The following BCL9 variants were observed in gnomAD, a reference collection of about 807,000 sequenced individuals.
The protein encoded by BCL9 is B-cell CLL/lymphoma 9 protein.
In BCL9, 25 loss-of-function variants were observed where a neutral mutation model predicts 88.5. The observed-to-expected ratio is 0.28, with a 90% CI of 0.21 to 0.39. BCL9 has a LOEUF of 0.39. Among genes scored for constraint, BCL9 ranks in the 10% least tolerant of loss-of-function variants. The pLI is 1.00. For synonymous variants in BCL9, 711 were observed against 673.3 expected (o/e 1.06, Z -0.87); for missense variants, 1,817 against 1,877.8 (o/e 0.97, Z 0.60).
intron 1 of BCL9, among the ~76,000 whole-genome samples, chr1:147,581,074 G>C (rs1656342482): frequency 1.3e-5 from 2 of 151,990 alleles, no homozygotes. Context: ...CTTGGAAGTG[G>C]GTTTGAAACC....
intron 1 of BCL9, among the ~76,000 whole-genome samples, chr1:147,560,532 G>A (rs587632115): frequency 2.0e-5 from 3 of 150,940 alleles, no homozygotes; most frequent in South Asian, 4.2e-4. Context: ...GCTTGAACCC[G>A]AGAGGCGGAG....
intron 1 of BCL9, among the ~76,000 whole-genome samples, chr1:147,579,116 T>G (rs1175919005): frequency 6.6e-6 from 1 of 152,190 alleles, no homozygotes; most frequent in African/African-American, 2.4e-5. Context: ...TCCACCTGCC[T>G]TGGCCTCCCA....
chr1:147,614,615 A>G lies in BCL9; in HGVS notation c.559A>G (p.Lys187Glu). 1 of 1,609,522 alleles carries G rather than the reference A, an allele frequency of 6.2e-7. No individual in the cohort carries two copies. The highest frequency in any genetic ancestry group is 8.5e-7 in the Non-Finnish European group (1 of 1,177,590). Residue 187 changes from lysine to glutamate, a missense_variant and splice_region_variant, in exon 6 of 10, where the codon AAA becomes GAA. By Grantham distance (56) the Lys-to-Glu change is moderately conservative (BLOSUM62 1). Around this residue, in one of 2 missense-constraint regions of BCL9, gnomAD observed 1,228 missense variants for 1,191.6 expected, o/e 1.03. Coordinates refer to ENST00000234739, the MANE Select transcript of BCL9 (RefSeq NM_004326.4). ...CGTGTTTTCTACTGAGATGGCCAATAAGTAAGTTGATGGCTGTGTCTTGCT... is the reference window on the plus strand; with the variant it reads ...CGTGTTTTCTACTGAGATGGCCAATGAGTAAGTTGATGGCTGTGTCTTGCT... ...VYVFSTEMAN[K>E]AAEAVLKGQV... is the part of the protein sequence containing the mutation.
intron 9 of BCL9, among the ~76,000 whole-genome samples, chr1:147,623,500 G>C (rs960688021): frequency 2.0e-5 from 3 of 152,170 alleles, no homozygotes; most frequent in Admixed American, 2.0e-4. Context: ...GACCGTACTT[G>C]AGTCATTCAG....
chr1:147,611,402 G>GTCCACAA (rs1657993850), intron 3 of BCL9, among the ~76,000 whole-genome samples, 176 bp from the exon 4 acceptor site: 1 of 152,170 alleles, frequency 6.6e-6, no homozygotes, highest in Admixed American at 6.5e-5. Flanking sequence ...TCCAGCTGGT[G>GTCCACAA]TGGCCCCTGA....
At chr1:147,583,544 C>G (rs952516230) in intron 1 of BCL9, among the ~76,000 whole-genome samples, 1 of 151,962 alleles carries the variant, frequency 6.6e-6, no homozygotes, top group Non-Finnish European at 1.5e-5. Flanking sequence ...TCCCAAAGTG[C>G]TGGAATTACA....
intron 1 of BCL9, among the ~76,000 whole-genome samples, chr1:147,588,045 G>A (rs1656696066): frequency 1.3e-5 from 2 of 152,074 alleles, no homozygotes; most frequent in Non-Finnish European, 2.9e-5. Flanking sequence ...AAAGTCTACT[G>A]GCAGGTCTTA....
In BCL9 at chr1:147,619,003, A is replaced by G; in HGVS notation, c.848A>G (p.Asn283Ser). 2 of 1,611,160 alleles carry G rather than the reference A, an allele frequency of 1.2e-6. No homozygotes were observed. Among genetic ancestry groups the G allele is most frequent in the South Asian group, 1.1e-5 (1 of 90,726 alleles). Residue 283 changes from asparagine (N) to serine (S), a missense_variant, in exon 8 of 10, where the codon AAC becomes AGC. Physicochemically the swap from Asn to Ser is conservative, Grantham distance 46. Around this residue, in one of 2 missense-constraint regions of BCL9, gnomAD observed 1,228 missense variants for 1,191.6 expected, o/e 1.03. Transcript: ENST00000234739. The surrounding 1 kb of genome is among the most constrained non-coding windows in gnomAD (Gnocchi z 4.1). ...GACCGGGAGAGTCCTGGGGTAGAAA[A>G]CAAACTGATTCCTTCTGTAGGAAGT... ...PLDRESPGVE[N>S]KLIPSVGSPA...
Position 147,619,269 on chromosome 1 carries a change from A to G in BCL9, c.1114A>G (p.Met372Val). The G allele has an allele frequency of 1.9e-6, 3 of 1,614,144 alleles. No individual in the cohort carries two copies. Among genetic ancestry groups the G allele is most frequent in the Non-Finnish European group, 2.5e-6 (3 of 1,180,028 alleles). ...ACAAACTCTCAGAGATATCCAGCGCATGCTTTTTCCTGATGAGAAAGAATT... is the reference window on the plus strand; with the variant it reads ...ACAAACTCTCAGAGATATCCAGCGCGTGCTTTTTCCTGATGAGAAAGAATT... Reference protein sequence around the residue: ...SLQTLRDIQRMLFPDEKEFTG... With the variant: ...SLQTLRDIQRVLFPDEKEFTG... The change falls in exon 8 of 10, where the codon ATG becomes GTG. Residue 372 changes from methionine (M) to valine (V), a missense_variant. By Grantham distance (21) the Met-to-Val change is conservative (BLOSUM62 1). This residue lies in a region of BCL9 where 1,228 missense variants were observed against 1,191.6 expected (regional missense o/e 1.03). Coordinates refer to ENST00000234739, the MANE Select transcript of BCL9 (RefSeq NM_004326.4). This position sits in a 1 kb window ranked among gnomAD's most constrained non-coding sequence, Gnocchi z 4.1.
At chr1:147,592,876 T>A (rs782781372) in intron 1 of BCL9, among the ~76,000 whole-genome samples, 18 of 152,118 alleles carry the variant, frequency 1.2e-4, no homozygotes, top group Non-Finnish European at 8.8e-5. Context: ...TACTCCACTT[T>A]ATGGGGGAAA....
chr1:147,565,940 C>G (rs1655575101), intron 1 of BCL9, among the ~76,000 whole-genome samples: 1 of 152,166 alleles, frequency 6.6e-6, no homozygotes, highest in South Asian at 2.1e-4. Flanking sequence ...TTCTAGATAA[C>G]CAACACAATA....
intron 1 of BCL9, among the ~76,000 whole-genome samples, chr1:147,552,594 G>A (rs1286986404): frequency 9.9e-5 from 15 of 152,192 alleles, no homozygotes; most frequent in African/African-American, 3.6e-4. Context: ...CAAAAAGAGT[G>A]AAACTCTGTC....
At chr1:147,544,052 C>T (rs1428801264) in intron 1 of BCL9, among the ~76,000 whole-genome samples, 1 of 152,108 alleles carries the variant, frequency 6.6e-6, no homozygotes, top group African/African-American at 2.4e-5. Flanking sequence ...TTTTGGGGCT[C>T]TTTACTCTGC....
intron 1 of BCL9, among the ~76,000 whole-genome samples, chr1:147,585,514 G>T (rs1294534133): frequency 6.6e-6 from 1 of 152,164 alleles, no homozygotes; most frequent in African/African-American, 2.4e-5. Flanking sequence ...TAATTGCTAT[G>T]TAGTCCAGGC....
intron 1 of BCL9, among the ~76,000 whole-genome samples, chr1:147,592,996 C>T (rs139887491): frequency 1.4e-4 from 22 of 152,276 alleles, no homozygotes; most frequent in African/African-American, 4.3e-4. Context: ...TTTTGAATCA[C>T]GCGTCTCCCC....
At position 147,624,095 on chromosome 1, in the gene BCL9, G is replaced by T; in HGVS notation, c.3417G>T (p.Gln1139His). ...MVPQGRMGFP[Q>H]GFPPVQSPPQ... is the part of the protein sequence containing the mutation. ...CTCAAGGACGGATGGGCTTCCCCCA[G>T]GGCTTCCCTCCAGTACAGTCTCCCC... is the stretch of plus-strand genomic sequence containing the variant. The change falls in exon 10 of 10, where the codon CAG becomes CAT. Residue 1139 changes from glutamine to histidine, a missense_variant. Transcript: ENST00000234739. The surrounding 1 kb of genome is among the most constrained non-coding windows in gnomAD (Gnocchi z 4.4). 6.2e-7 allele frequency: 1 copy of T among 1,608,678 alleles called. No homozygotes were observed. The highest frequency in any genetic ancestry group is 8.5e-7 in the Non-Finnish European group (1 of 1,176,470).
At chr1:147,592,775 G>A (rs1441476831) in intron 1 of BCL9, among the ~76,000 whole-genome samples, 1 of 152,050 alleles carries the variant, frequency 6.6e-6, no homozygotes, top group African/African-American at 2.4e-5. Flanking sequence ...CATTTATCGG[G>A]CACTTAACTA....
Position 147,612,951 on chromosome 1 carries a change from A to G in BCL9, c.122A>G (p.Gln41Arg). The stretch of plus-strand genomic sequence containing the variant: ...GTGATGTCCCCATCTGGAAACCCCC[A>G]GCTGGATTCCAAATTCTCCAATCAG... ...PTVMSPSGNP[Q>R]LDSKFSNQGK... The change falls in exon 5 of 10, where the codon CAG (glutamine) becomes CGG (arginine). Residue 41 changes from glutamine to arginine, a missense_variant. Coordinates refer to ENST00000234739, the MANE Select transcript of BCL9 (RefSeq NM_004326.4). 4 of 1,613,768 alleles carry G rather than the reference A, an allele frequency of 2.5e-6. No individual in the cohort carries two copies. Among genetic ancestry groups the G allele is most frequent in the Non-Finnish European group, 3.4e-6 (4 of 1,179,856 alleles).
At chr1:147,577,955 A>C (rs1553198253) in intron 1 of BCL9, among the ~76,000 whole-genome samples, 1 of 152,038 alleles carries the variant, frequency 6.6e-6, no homozygotes, top group Non-Finnish European at 1.5e-5. Flanking sequence ...TGTAAAGACA[A>C]ATTCCAATTA....
Sources: gnomAD v4.1 joint callset for allele counts (sites outside exome capture counted in the v4.1 genomes callset) on GRCh38, gnomAD v4.1.1 for gene constraint, gnomAD v4.1.1 regional missense constraint, Gnocchi (gnomAD v3.1) non-coding constraint, MANE v1.5 for transcripts, NCBI Gene and HGNC (gene_info 2026-07-23, HGNC 2026-07-21) for gene names.